The following APP variants were observed in gnomAD, a reference collection of about 807,000 sequenced individuals.
APP encodes amyloid-beta precursor protein.
A neutral mutation model predicts 101.4 loss-of-function variants in APP; 31 were observed. That is an observed-to-expected ratio of 0.31 (90% CI 0.23 to 0.41). APP has a LOEUF of 0.41. Among genes scored for constraint, APP ranks in the 10% least tolerant of loss-of-function variants. APP has a pLI of 1.00. For synonymous variants in APP, 366 were observed against 364.4 expected (o/e 1.00, Z -0.05); for missense variants, 839 against 1,003.7 (o/e 0.84, Z 2.22).
intron 1 of APP, among the ~76,000 whole-genome samples, chr21:26,156,335 G>A (rs2063374830): frequency 6.6e-6 from 1 of 152,098 alleles, no homozygotes; most frequent in Non-Finnish European, 1.5e-5. Flanking sequence ...TATTTTAAAT[G>A]AACAAAGAAG....
At chr21:26,053,191 A>C in intron 4 of APP, 45 bp downstream of exon 4, 1 of 1,410,022 alleles carries the variant, frequency 7.1e-7, no homozygotes, top group Non-Finnish European at 1.0e-6. Flanking sequence ...GCACGTCCCC[A>C]GGAAATCTTC....
chr21:26,110,314 C>T lies in APP; in HGVS notation c.225+1665G>A, dbSNP rs559261146. On this transcript the variant is annotated intron_variant, in intron 2 of 17. Transcript: ENST00000346798. ...AAAAAAATTTAGCTGGGCGTGGTGG[C>T]GGGTGCCTATAGTCCCATCTACTCA... Among the ~76,000 whole-genome samples, 18 of 152,062 alleles carry T rather than the reference C, an allele frequency of 1.2e-4. No homozygotes were observed. In the East Asian group the frequency reaches 2.9e-3, roughly 25 times the overall value.
At chr21:26,149,742 C>T (rs1215915693) in intron 1 of APP, among the ~76,000 whole-genome samples, 2 of 152,198 alleles carry the variant, frequency 1.3e-5, no homozygotes, top group African/African-American at 2.4e-5. Flanking sequence ...AATGTACATT[C>T]TTTTCCAAGA....
intron 13 of APP, among the ~76,000 whole-genome samples, chr21:25,947,815 C>T (rs1055664832): frequency 2.0e-5 from 3 of 151,732 alleles, no homozygotes; most frequent in Non-Finnish European, 4.4e-5. Context: ...CCAGCTTGGC[C>T]AACATGGTGA....
intron 5 of APP, among the ~76,000 whole-genome samples, chr21:26,044,603 A>C (rs1356420287): frequency 6.6e-6 from 1 of 151,950 alleles, no homozygotes; most frequent in East Asian, 1.9e-4. Context: ...GTGATGGTGC[A>C]ATCTTGGCTC....
chr21:25,933,477 T>C (rs1336383078), intron 13 of APP, among the ~76,000 whole-genome samples: 1 of 152,226 alleles, frequency 6.6e-6, no homozygotes, highest in Non-Finnish European at 1.5e-5. Flanking sequence ...TTACTGTAAA[T>C]TAGTCACCTT....
intron 13 of APP, among the ~76,000 whole-genome samples, chr21:25,950,184 A>T (rs1164350968): frequency 6.6e-6 from 1 of 152,156 alleles, no homozygotes; most frequent in East Asian, 1.9e-4. Context: ...GAACATTCAT[A>T]AAGAAAGAAT....
intron 16 of APP, among the ~76,000 whole-genome samples, chr21:25,893,938 T>A (rs1417726112): frequency 6.6e-6 from 1 of 152,206 alleles, no homozygotes. Context: ...ACAAGCTGAC[T>A]CTCTTGTTAG....
chr21:26,107,547 C>T (rs541579002), intron 2 of APP, among the ~76,000 whole-genome samples: 14 of 152,298 alleles, frequency 9.2e-5, no homozygotes, highest in South Asian at 2.1e-4. Context: ...CAGCATGTAA[C>T]GCCTCCTACT....
At chr21:26,000,854 T>C (rs1453311206) in intron 6 of APP, among the ~76,000 whole-genome samples, 1 of 151,434 alleles carries the variant, frequency 6.6e-6, no homozygotes, top group Non-Finnish European at 1.5e-5. Flanking sequence ...TATTAAAATA[T>C]GTATTTATAT....
chr21:26,066,471 C>G (rs1299342039), intron 3 of APP, among the ~76,000 whole-genome samples: 1 of 150,978 alleles, frequency 6.6e-6, no homozygotes, highest in Non-Finnish European at 1.5e-5. Context: ...CCCATTCCCC[C>G]ACCTCCACTC....
chr21:26,061,051 A>AG (rs775607917), intron 3 of APP, among the ~76,000 whole-genome samples: 1 of 152,204 alleles, frequency 6.6e-6, no homozygotes, highest in Non-Finnish European at 1.5e-5. Flanking sequence ...AAGACCAGGA[A>AG]GGGGGCTCTG....
chr21:26,003,595 C>T (rs1002302517), intron 6 of APP, among the ~76,000 whole-genome samples: 3 of 152,172 alleles, frequency 2.0e-5, no homozygotes, highest in Admixed American at 6.5e-5. Context: ...AGAAGATGTA[C>T]GTGAGGCTGG....
intron 5 of APP, among the ~76,000 whole-genome samples, chr21:26,042,413 T>C (rs2045412999): frequency 6.6e-6 from 1 of 152,194 alleles, no homozygotes; most frequent in African/African-American, 2.4e-5. Flanking sequence ...GAATGACAAG[T>C]TTTCACTAAC....
At chr21:26,078,564 G>A (rs1016365875) in intron 3 of APP, among the ~76,000 whole-genome samples, 6 of 152,104 alleles carry the variant, frequency 3.9e-5, no homozygotes, top group South Asian at 2.1e-4. Context: ...CCCAAGAATC[G>A]TAATAATAGC....
intron 1 of APP, among the ~76,000 whole-genome samples, chr21:26,122,250 C>A (rs1170148907): frequency 6.6e-6 from 1 of 152,136 alleles, no homozygotes; most frequent in Non-Finnish European, 1.5e-5. Flanking sequence ...ATTTCCAGTT[C>A]TGGGCTATAG....
chr21:26,072,957 G>C (rs2061434367), intron 3 of APP, among the ~76,000 whole-genome samples: 1 of 152,046 alleles, frequency 6.6e-6, no homozygotes, highest in Non-Finnish European at 1.5e-5. Context: ...GCCATTTTTT[G>C]ATAAGGAACT....
intron 15 of APP, among the ~76,000 whole-genome samples, chr21:25,902,117 T>C (rs1387418258): frequency 1.3e-5 from 2 of 152,096 alleles, no homozygotes; most frequent in South Asian, 2.1e-4. Flanking sequence ...TTTTTAGATA[T>C]GAGAGTTAAG....
chr21:25,994,365 G>A (rs899315352), intron 8 of APP, among the ~76,000 whole-genome samples: 44 of 151,856 alleles, frequency 2.9e-4, no homozygotes, highest in Non-Finnish European at 4.9e-4. Flanking sequence ...CTATGTTCAC[G>A]AATAAAATGA....
Sources: allele counts gnomAD v4.1 joint callset (sites outside exome capture counted in the v4.1 genomes callset), GRCh38; gene constraint gnomAD v4.1.1; transcripts MANE v1.5; gene names NCBI Gene and HGNC (gene_info 2026-07-23, HGNC 2026-07-21).